The following ALK variants were observed in gnomAD, a reference collection of about 807,000 sequenced individuals.
The protein encoded by ALK is ALK receptor tyrosine kinase, also known as ALK tyrosine kinase receptor.
A neutral mutation model predicts 163.1 loss-of-function variants in ALK; 74 were observed. The ratio of observed to expected loss-of-function variants is 0.45; its 90% CI spans 0.38 to 0.55. The LOEUF (loss-of-function observed/expected upper bound fraction) is 0.55, where lower values mean the gene tolerates loss of function less well. Among genes scored for constraint, ALK ranks in the 20% least tolerant of loss-of-function variants. ALK has a pLI of 0.00. For missense variants in ALK, 2,063 were observed against 2,105.3 expected, an observed-to-expected ratio of 0.98 and a Z score of 0.39; for synonymous variants, 960 against 843.2, an observed-to-expected ratio of 1.14 and a Z score of -2.40.
rs138668699 is a variant in ALK at position 29,229,023 on chromosome 2, G to C, written c.2676C>G (p.Ala892=). 2 of 1,601,552 alleles carry C rather than the reference G, an allele frequency of 1.2e-6. No individual in the cohort carries two copies. The highest frequency in any genetic ancestry group is 2.2e-5 in the South Asian group (2 of 90,738). Residue 892 remains alanine, a synonymous_variant, in exon 16 of 29, where the codon GCC becomes GCG. Coordinates refer to ENST00000389048, the MANE Select transcript of ALK (RefSeq NM_004304.5). The stretch of plus-strand genomic sequence containing the variant: ...TGGCACCCTCCTGCAAAGATTTTCC[G>C]GCCCAGAGCAAGGAAGTGTTATCAT... ...GWNDNTSLLW[A]GKSLQEGATG... is the part of the protein sequence containing the mutation.
chr2:29,329,587 T>G (rs1667379629), intron 5 of ALK, among the ~76,000 whole-genome samples: 1 of 152,192 alleles, frequency 6.6e-6, no homozygotes. Context: ...GAAGATGAAC[T>G]AGGACCCCAC....
intron 28 of ALK, 67 bp downstream of exon 28, chr2:29,196,703 G>C (rs749121913): frequency 9.0e-7 from 1 of 1,112,636 alleles, no homozygotes; most frequent in Non-Finnish European, 1.4e-6. Flanking sequence ...TTCATATTTC[G>C]GTATTTGCCA....
chr2:29,282,731 A>C (rs1665747299), intron 9 of ALK, among the ~76,000 whole-genome samples: 1 of 152,154 alleles, frequency 6.6e-6, no homozygotes, highest in Non-Finnish European at 1.5e-5. Flanking sequence ...GCCCTTCTAG[A>C]AATAAGAGAG....
chr2:29,562,745 T>C (rs1392445809), intron 3 of ALK, among the ~76,000 whole-genome samples: 2 of 152,242 alleles, frequency 1.3e-5, no homozygotes, highest in Non-Finnish European at 2.9e-5. Context: ...GCAAAGACTG[T>C]CTACAGAGAA....
intron 1 of ALK, among the ~76,000 whole-genome samples, chr2:29,884,374 A>G (rs576692712): frequency 1.4e-3 from 216 of 152,304 alleles, no homozygotes; most frequent in African/African-American, 5.1e-3. Context: ...CGTTACAAGA[A>G]AAAGATGAAT....
chr2:29,553,844 G>A (rs2148177192), intron 3 of ALK, among the ~76,000 whole-genome samples: 1 of 152,146 alleles, frequency 6.6e-6, no homozygotes, highest in South Asian at 2.1e-4. Context: ...TTAATTAGTT[G>A]CTTCTCATCT....
Position 29,878,648 on chromosome 2 carries a change from T to C in ALK, c.667+41345A>G, listed in dbSNP as rs370150465. ...GGGCTTAGAAATTTCCAGTCTTCCT[T>C]GGAGGATAAACAAGTTGCCAATTAC... On this transcript the variant is annotated intron_variant, in intron 1 of 28. Transcript: ENST00000389048. Among the ~76,000 whole-genome samples the C allele has an allele frequency of 1.2e-4, 18 of 152,298 alleles. No homozygotes were observed. In the East Asian group the frequency reaches 2.3e-3, roughly 20 times the overall value.
At chr2:29,889,533 A>G (rs1277625949) in intron 1 of ALK, among the ~76,000 whole-genome samples, 1 of 151,962 alleles carries the variant, frequency 6.6e-6, no homozygotes, top group African/African-American at 2.4e-5. Context: ...AGATAGATAG[A>G]TAGATAGTAG....
chr2:29,900,199 C>A (rs1245863837), intron 1 of ALK, among the ~76,000 whole-genome samples: 1 of 152,246 alleles, frequency 6.6e-6, no homozygotes, highest in African/African-American at 2.4e-5. Context: ...TTCATGCATT[C>A]TTTCATTTAT....
intron 11 of ALK, among the ~76,000 whole-genome samples, chr2:29,254,303 C>CTA (rs752322285): frequency 1.3e-3 from 200 of 151,720 alleles, no homozygotes; most frequent in African/African-American, 4.6e-3. Flanking sequence ...CTCTCTCTCT[C>CTA]TCTATATATA....
At chr2:29,332,485 AT>A (rs1019451112) in intron 5 of ALK, among the ~76,000 whole-genome samples, 36 of 152,142 alleles carry the variant, frequency 2.4e-4, no homozygotes, top group African/African-American at 8.2e-4. Flanking sequence ...TAAAAACAGA[AT>A]CCAATTGTCT....
intron 3 of ALK, among the ~76,000 whole-genome samples, chr2:29,644,576 T>C (rs1023016901): frequency 2.5e-4 from 37 of 151,008 alleles, no homozygotes; most frequent in African/African-American, 7.1e-4. Context: ...GGTTTTTTTT[T>C]CCCCCCACTC....
intron 5 of ALK, among the ~76,000 whole-genome samples, chr2:29,358,126 T>C (rs1483657234): frequency 6.6e-6 from 1 of 152,224 alleles, no homozygotes; most frequent in Non-Finnish European, 1.5e-5. Flanking sequence ...AATATGGTAC[T>C]GAGTTTGTCA....
At chr2:29,770,653 T>C (rs1013534769) in intron 1 of ALK, among the ~76,000 whole-genome samples, 20 of 152,094 alleles carry the variant, frequency 1.3e-4, no homozygotes, top group Admixed American at 1.3e-3. Flanking sequence ...AGCTGGATAA[T>C]ATAAAAAAAT....
At position 29,638,198 on chromosome 2, in the gene ALK, C is replaced by G. The variant is rs1487127979; in HGVS notation, c.952+56652G>C. Among the ~76,000 whole-genome samples, 3 of 152,198 alleles carry G rather than the reference C, an allele frequency of 2.0e-5. No homozygotes were observed. In the East Asian group the frequency reaches 5.8e-4, roughly 29 times the overall value. On this transcript the variant is annotated intron_variant, in intron 3 of 28. Coordinates refer to ENST00000389048, the MANE Select transcript of ALK (RefSeq NM_004304.5). ...CAGGAAGCTGGGACACCAGCACCTG[C>G]TAACTGCATGACCATGGGGACCTGC...
At chr2:29,486,932 C>T (rs1671787504) in intron 4 of ALK, among the ~76,000 whole-genome samples, 1 of 152,044 alleles carries the variant, frequency 6.6e-6, no homozygotes, top group African/African-American at 2.4e-5. Flanking sequence ...AAGTCAACTG[C>T]CTATGTAATT....
intron 1 of ALK, among the ~76,000 whole-genome samples, chr2:29,888,243 A>ATTTTT (rs1392266625): frequency 4.7e-5 from 2 of 42,560 alleles, no homozygotes; most frequent in Non-Finnish European, 1.1e-4. Context: ...GGTCCAATAA[A>ATTTTT]TTGTTTTTTT....
intron 4 of ALK, among the ~76,000 whole-genome samples, chr2:29,530,948 G>T (rs1673103857): frequency 1.3e-5 from 2 of 152,212 alleles, no homozygotes; most frequent in African/African-American, 4.8e-5. Context: ...AATACAGATG[G>T]GTTAATGGCT....
At chr2:29,649,599 CT>C (rs1011632887) in intron 3 of ALK, among the ~76,000 whole-genome samples, 14 of 152,096 alleles carry the variant, frequency 9.2e-5, no homozygotes, top group Admixed American at 5.2e-4. Context: ...GAATAACCCC[CT>C]TTTTTTCCTT....
Sources: allele counts gnomAD v4.1 joint callset (sites outside exome capture counted in the v4.1 genomes callset), GRCh38; gene constraint gnomAD v4.1.1; transcripts MANE v1.5; gene names NCBI Gene and HGNC (gene_info 2026-07-23, HGNC 2026-07-21).